ACSBG1: variants seen among roughly 807,000 people sequenced by gnomAD.
ACSBG1 encodes long-chain-fatty-acid--CoA ligase ACSBG1.
ACSBG1 carries 39 observed loss-of-function variants against 80.2 expected under a neutral mutation model. That is an observed-to-expected ratio of 0.49 (90% CI 0.38 to 0.64). ACSBG1 has a LOEUF of 0.64. Among genes scored for constraint, ACSBG1 ranks in the 30% least tolerant of loss-of-function variants. The probability of loss-of-function intolerance (pLI) is 0.00; values close to 1 mark genes in which losing one functional copy is unlikely to be tolerated. For missense variants in ACSBG1, 828 were observed against 966.4 expected (o/e 0.86, Z 1.90); for synonymous variants, 392 against 379.5 (o/e 1.03, Z -0.38).
At chr15:78,218,704 C>T (rs2075332626) in intron 1 of ACSBG1, among the ~76,000 whole-genome samples, 1 of 151,208 alleles carries the variant, frequency 6.6e-6, no homozygotes, top group Non-Finnish European at 1.5e-5. Flanking sequence ...AAGTAACTTG[C>T]TAAAGGTTAT....
At chr15:78,205,423 G>A (rs1330082547) in intron 2 of ACSBG1, among the ~76,000 whole-genome samples, 1 of 152,142 alleles carries the variant, frequency 6.6e-6, no homozygotes, top group Non-Finnish European at 1.5e-5. Context: ...GCCAGTGTCT[G>A]CAGTTAGATG....
In ACSBG1 at chr15:78,177,454, T is replaced by C. The variant is rs2074893369; in HGVS notation, c.1702+1160A>G. 6.6e-6 allele frequency among the ~76,000 whole-genome samples: 1 copy of C among 152,194 alleles called. No homozygotes were observed. The highest frequency in any genetic ancestry group is 1.5e-5 in the Non-Finnish European group (1 of 68,040). ...GGACCCTTACCTCTCACTATACTAG[T>C]TCTAAAAGGAGGGCCGGCTCTGGTT... On this transcript the variant is annotated intron_variant, in intron 11 of 13. Coordinates refer to ENST00000258873, the MANE Select transcript of ACSBG1 (RefSeq NM_015162.5). This position sits in a 1 kb window ranked among gnomAD's most constrained non-coding sequence, Gnocchi z 4.1.
rs2074788885 is a variant in ACSBG1 at position 78,169,173 on chromosome 15, CT to C, written c.*2270del. 2.4e-6 allele frequency: 1 copy of C among 425,318 alleles called. No individual in the cohort carries two copies. The highest frequency in any genetic ancestry group is 2.0e-5 in the African/African-American group (1 of 49,578). 26.3% of individuals were successfully genotyped at this position (425,318 alleles called of 1,614,324 possible). ...GTGCAAAAGATGCAGGTGGATGTCC[CT>C]AGGTCTGTTTTCAAAGAACTTTTTC... is the stretch of plus-strand genomic sequence containing the variant. On this transcript the variant is annotated 3_prime_UTR_variant, in exon 14 of 14. Transcript: ENST00000258873.
At chr15:78,194,830 T>C in intron 2 of ACSBG1, 104 bp from the exon 3 acceptor site, 1 of 1,211,630 alleles carries the variant, frequency 8.3e-7, no homozygotes, top group Non-Finnish European at 1.2e-6. Flanking sequence ...ATGCCTTGGG[T>C]CCTCGGCCTT....
At chr15:78,173,528 C>A in intron 13 of ACSBG1, 65 bp downstream of exon 13, 1 of 1,579,102 alleles carries the variant, frequency 6.3e-7, no homozygotes, top group South Asian at 1.2e-5. Context: ...CAGGCACCTC[C>A]TAGGCACTGC....
Position 78,180,917 on chromosome 15 carries a change from AGCGTGTTCACCAG to A in ACSBG1, c.1078_1090del (p.Leu360CysfsTer44). The A allele has an allele frequency of 6.2e-7, 1 of 1,614,112 alleles. No individual in the cohort carries two copies. On this transcript the variant is annotated frameshift_variant, in exon 9 of 14. Coordinates refer to ENST00000258873, the MANE Select transcript of ACSBG1 (RefSeq NM_015162.5). LOFTEE classifies it high-confidence loss of function. ...GTGTGATGTGGGCTCCACCTCCCGCAGCGTGTTCACCAGGCTCCCCTGTTCACACCAGAAGAGG... is the reference window on the plus strand; with the variant it reads ...GTGTGATGTGGGCTCCACCTCCCGCAGCTCCCCTGTTCACACCAGAAGAGG...
chr15:78,223,235 G>T (rs1415131424), intron 1 of ACSBG1, among the ~76,000 whole-genome samples: 2 of 149,520 alleles, frequency 1.3e-5, no homozygotes, highest in African/African-American at 4.9e-5. Context: ...AGAAATAGAG[G>T]CGCTGAACAA....
rs746175029 is a variant in ACSBG1 at position 78,180,825 on chromosome 15, A to C, written c.1183T>G (p.Phe395Val). 1 of 1,614,200 alleles carries C rather than the reference A, an allele frequency of 6.2e-7. No homozygotes were observed. Among genetic ancestry groups the C allele is most frequent in the South Asian group, 1.1e-5 (1 of 91,088 alleles). The change falls in exon 9 of 14, where the codon TTC (phenylalanine) becomes GTC (valine). Residue 395 changes from phenylalanine (F) to valine (V), a missense_variant. Physicochemically the swap from Phe to Val is conservative, Grantham distance 50. Coordinates refer to ENST00000258873, the MANE Select transcript of ACSBG1 (RefSeq NM_015162.5). ...CACAGCAGCATCTTTCGCCGGATGAAGCCAGACTGAGCCGCCACCTCCTGG... is the reference window on the plus strand; with the variant it reads ...CACAGCAGCATCTTTCGCCGGATGACGCCAGACTGAGCCGCCACCTCCTGG... ...RIQEVAAQSG[F>V]IRRKMLLWAM...
At chr15:78,215,679 G>A (rs780782758) in intron 1 of ACSBG1, among the ~76,000 whole-genome samples, 3 of 143,546 alleles carry the variant, frequency 2.1e-5, no homozygotes, top group Non-Finnish European at 4.6e-5. Context: ...AAAAAGAAGA[G>A]AAGGGAAGGG....
chr15:78,232,924 A>G (rs1201438891), intron 1 of ACSBG1, among the ~76,000 whole-genome samples: 1 of 151,892 alleles, frequency 6.6e-6, no homozygotes, highest in East Asian at 1.9e-4. Flanking sequence ...TGGGTGATCC[A>G]CCCGACTCAG....
chr15:78,228,774 G>A (rs1237945633), intron 1 of ACSBG1, among the ~76,000 whole-genome samples: 3 of 152,114 alleles, frequency 2.0e-5, no homozygotes, highest in Non-Finnish European at 4.4e-5. Context: ...CTGGCTTTTA[G>A]TCTCTTGAAC....
rs144574012 is a variant in ACSBG1 at position 78,173,663 on chromosome 15, C to T, written c.2019G>A (p.Ala673=). The change falls in exon 13 of 14, where the codon GCG becomes GCA. Residue 673 remains alanine (A), a synonymous_variant. Transcript: ENST00000258873. ...EGIRRVNMNA[A]ARPYHIQKWA... is the part of the protein sequence containing the mutation. ...ACTTCTGGATGTGGTAGGGCCGGGC[C>T]GCCGCGTTCATGTTGACCCTCCGGA... The T allele has an allele frequency of 8.7e-5, 140 of 1,614,212 alleles. No homozygotes were observed. In the East Asian group the frequency reaches 2.7e-3, roughly 31 times the overall value.
At chr15:78,174,274 A>G in intron 12 of ACSBG1, 111 bp downstream of exon 12, 1 of 1,465,632 alleles carries the variant, frequency 6.8e-7, no homozygotes, top group Non-Finnish European at 9.4e-7. Flanking sequence ...GTCATTCCAG[A>G]ATGAAGCCAT....
At chr15:78,229,047 A>G (rs2075426097) in intron 1 of ACSBG1, among the ~76,000 whole-genome samples, 1 of 150,074 alleles carries the variant, frequency 6.7e-6, no homozygotes, top group Admixed American at 6.8e-5. Flanking sequence ...TTTTAAGTGT[A>G]TAATTCAGTG....
chr15:78,225,947 G>A (rs538570595), intron 1 of ACSBG1, among the ~76,000 whole-genome samples: 8 of 152,298 alleles, frequency 5.3e-5, no homozygotes, highest in Admixed American at 2.0e-4. Flanking sequence ...TCATGTGATT[G>A]TTGGCAGGAT....
chr15:78,212,053 T>G (rs989513510), intron 1 of ACSBG1, among the ~76,000 whole-genome samples: 1 of 152,248 alleles, frequency 6.6e-6, no homozygotes, highest in Non-Finnish European at 1.5e-5. Flanking sequence ...ATTTCCCATG[T>G]GAACGCTTCA....
intron 2 of ACSBG1, among the ~76,000 whole-genome samples, chr15:78,197,329 G>A (rs944300018): frequency 6.6e-6 from 1 of 152,092 alleles, no homozygotes; most frequent in Non-Finnish European, 1.5e-5. Flanking sequence ...GGGATGTTTT[G>A]CAACTCTGTA....
chr15:78,229,554 C>T (rs764893068), intron 1 of ACSBG1, among the ~76,000 whole-genome samples: 2 of 152,170 alleles, frequency 1.3e-5, no homozygotes, highest in Non-Finnish European at 2.9e-5. Flanking sequence ...CTCCTGCGAC[C>T]GTTCCACATC....
At chr15:78,224,226 T>C (rs2075382150) in intron 1 of ACSBG1, among the ~76,000 whole-genome samples, 1 of 149,136 alleles carries the variant, frequency 6.7e-6, no homozygotes, top group Non-Finnish European at 1.5e-5. Context: ...GCTGTTACCC[T>C]GGCTGACATC....
Sources: allele counts gnomAD v4.1 joint callset (sites outside exome capture counted in the v4.1 genomes callset), GRCh38; gene constraint gnomAD v4.1.1; non-coding constraint Gnocchi (gnomAD v3.1); transcripts MANE v1.5; gene names NCBI Gene and HGNC (gene_info 2026-07-23, HGNC 2026-07-21).